The following RCOR3 variants were observed in gnomAD, a reference collection of about 807,000 sequenced individuals.
The protein encoded by RCOR3 is REST corepressor 3.
Under a neutral mutation model 64.1 loss-of-function variants are expected in RCOR3, and 13 were observed. The observed-to-expected ratio is 0.20, with a 90% CI of 0.13 to 0.32. The LOEUF (loss-of-function observed/expected upper bound fraction) is 0.32, where lower values mean the gene tolerates loss of function less well. Ranked by LOEUF, RCOR3 falls within the 10% of genes least tolerant of loss-of-function variation. The pLI, the probability that RCOR3 is intolerant of heterozygous loss-of-function variation, is 1.00. For synonymous variants in RCOR3, 215 were observed against 239.0 expected, an observed-to-expected ratio of 0.90 and a Z score of 0.93; for missense variants, 489 against 701.2, an observed-to-expected ratio of 0.70 and a Z score of 3.42.
intron 2 of RCOR3, among the ~76,000 whole-genome samples, chr1:211,262,269 C>T (rs986263396): frequency 1.3e-5 from 2 of 151,828 alleles, no homozygotes; most frequent in African/African-American, 2.4e-5. Context: ...AACTCCTGAC[C>T]TCGTGATCTG....
rs1693820005 is a variant in RCOR3 at position 211,259,645 on chromosome 1, G to GGCGGCA, written c.91_96dup (p.Ser31_Gly32dup). 1.3e-6 allele frequency: 2 copies of GGCGGCA among 1,547,258 alleles called. No homozygotes were observed. The highest frequency in any genetic ancestry group is 8.7e-7 in the Non-Finnish European group (1 of 1,145,462). Reference sequence around the variant, plus strand: ...CAGCGCCAAGAGCCCGGCAGGCGGCGGCGGCAGCGGCGCCTCGTCCACCAA... The same window carrying GGCGGCA: ...CAGCGCCAAGAGCCCGGCAGGCGGCGGCGGCAGCGGCAGCGGCGCCTCGTCCACCAA... On this transcript the variant is annotated inframe_insertion, in exon 1 of 12. Coordinates refer to ENST00000419091, the MANE Select transcript of RCOR3 (RefSeq NM_001136223.3).
intron 8 of RCOR3, among the ~76,000 whole-genome samples, chr1:211,294,586 C>CTTTCT (rs776117857): frequency 2.3e-5 from 2 of 88,030 alleles, no homozygotes; most frequent in African/African-American, 8.3e-5. Context: ...TTCTTTCTTT[C>CTTTCT]TTTTTTTTTT....
In RCOR3 at chr1:211,315,609, G is replaced by A. The variant is rs1230085152; in HGVS notation, c.*1841G>A. 1 of 152,092 alleles carries A rather than the reference G, an allele frequency of 6.6e-6. No individual in the cohort carries two copies. Among genetic ancestry groups the A allele is most frequent in the Non-Finnish European group, 1.5e-5 (1 of 68,016 alleles). The allele number at this position is 152,092 out of a possible 1,614,324, so 9.4% of individuals were successfully genotyped here. A position where few individuals can be genotyped will look rare whatever the true frequency, so the allele number is the denominator to read the frequency against. On this transcript the variant is annotated 3_prime_UTR_variant, in exon 12 of 12. Transcript: ENST00000419091. ...TTTTAAAGCACTTAGATTGTCTTACGTATGTGCATACTATACCTTTACAGC... is the reference window on the plus strand; with the variant it reads ...TTTTAAAGCACTTAGATTGTCTTACATATGTGCATACTATACCTTTACAGC...
chr1:211,308,297 T>A (rs1346653412), intron 10 of RCOR3, among the ~76,000 whole-genome samples: 1 of 152,210 alleles, frequency 6.6e-6, no homozygotes, highest in Admixed American at 6.5e-5. Context: ...TAACTTATAA[T>A]GTGATTTTGA....
intron 10 of RCOR3, among the ~76,000 whole-genome samples, chr1:211,305,174 G>A (rs1445404908): frequency 6.6e-6 from 1 of 152,210 alleles, no homozygotes; most frequent in African/African-American, 2.4e-5. Context: ...CAGCCAGCAT[G>A]ATTTGAAAAT....
rs143823132 is a variant in RCOR3, at chr1:211,266,643, G to C, written c.224-4589G>C. On this transcript the variant is annotated intron_variant, in intron 2 of 11. Coordinates refer to ENST00000419091, the MANE Select transcript of RCOR3 (RefSeq NM_001136223.3). Reference sequence around the variant, plus strand: ...CATGGTTGTTTTGTTGGTGAGTCAGGTTTGAGTCTCAGTACTGTTTCTAAA... The same window carrying C: ...CATGGTTGTTTTGTTGGTGAGTCAGCTTTGAGTCTCAGTACTGTTTCTAAA... Among the ~76,000 whole-genome samples the C allele has an allele frequency of 1.4e-3, 213 of 152,240 alleles. 3 individuals are homozygous for C. Among genetic ancestry groups the C allele is most frequent in the Middle Eastern group, 0.01 (3 of 294 alleles).
chr1:211,308,057 T>C (rs1202279227), intron 10 of RCOR3, among the ~76,000 whole-genome samples: 1 of 152,150 alleles, frequency 6.6e-6, no homozygotes, highest in Non-Finnish European at 1.5e-5. Context: ...GATTTGGCAG[T>C]TGATTAAAAA....
chr1:211,310,332 TGGATGAGAACA>T (rs1159195574), intron 10 of RCOR3, among the ~76,000 whole-genome samples: 2 of 152,104 alleles, frequency 1.3e-5, no homozygotes, highest in East Asian at 3.8e-4. Context: ...AGAACAAATG[TGGATGAGAACA>T]GGATGAGAAC....
At chr1:211,279,916 A>G (rs1163638210) in intron 7 of RCOR3, among the ~76,000 whole-genome samples, 3 of 152,146 alleles carry the variant, frequency 2.0e-5, no homozygotes, top group Non-Finnish European at 4.4e-5. Flanking sequence ...ACGGTCTAAG[A>G]GATGCAGCAG....
intron 10 of RCOR3, among the ~76,000 whole-genome samples, chr1:211,311,315 A>T (rs1446236857): frequency 2.6e-5 from 4 of 152,158 alleles, no homozygotes; most frequent in Non-Finnish European, 5.9e-5. Context: ...CTTTGAGAAC[A>T]CAGCAAATGA....
intron 7 of RCOR3, among the ~76,000 whole-genome samples, chr1:211,283,667 A>G (rs1481275937): frequency 1.3e-5 from 2 of 152,006 alleles, no homozygotes; most frequent in African/African-American, 2.4e-5. Context: ...TTTTTTAGAG[A>G]CAGAATCTTG....
intron 9 of RCOR3, among the ~76,000 whole-genome samples, chr1:211,298,674 A>G (rs902722261): frequency 3.3e-5 from 5 of 152,138 alleles, no homozygotes; most frequent in African/African-American, 1.2e-4. Context: ...TTTGTGATAG[A>G]CATCAGTGGG....
intron 9 of RCOR3, 44 bp from the exon 10 acceptor site, chr1:211,304,039 C>CT (rs752684700): frequency 7.2e-7 from 1 of 1,393,232 alleles, no homozygotes; most frequent in Non-Finnish European, 9.9e-7. Flanking sequence ...TGGAAAATGT[C>CT]TGTCTTCATA....
chr1:211,272,095 G>T (rs1041527089), intron 3 of RCOR3, among the ~76,000 whole-genome samples: 8 of 152,122 alleles, frequency 5.3e-5, no homozygotes, highest in African/African-American at 1.9e-4. Flanking sequence ...GCTTATTGAT[G>T]CAATAGAGCT....
At chr1:211,259,965 G>T in intron 1 of RCOR3, 143 bp from the exon 2 acceptor site, 1 of 554,668 alleles carries the variant, frequency 1.8e-6, no homozygotes, top group African/African-American at 3.4e-5. Context: ...GCCATCTCCC[G>T]GAGTGCCCCG....
At chr1:211,309,034 T>C (rs1482266618) in intron 10 of RCOR3, among the ~76,000 whole-genome samples, 1 of 150,618 alleles carries the variant, frequency 6.6e-6, no homozygotes, top group Non-Finnish European at 1.5e-5. Flanking sequence ...TTTAAAAAAT[T>C]GTTTTAAACA....
At chr1:211,301,194 G>A (rs1700346767) in intron 9 of RCOR3, among the ~76,000 whole-genome samples, 1 of 152,030 alleles carries the variant, frequency 6.6e-6, no homozygotes, top group Admixed American at 6.6e-5. Context: ...CTTCAAAATT[G>A]TGTTTAAATA....
intron 8 of RCOR3, among the ~76,000 whole-genome samples, 186 bp downstream of exon 8, chr1:211,289,582 C>T (rs890709766): frequency 6.6e-6 from 1 of 152,062 alleles, no homozygotes; most frequent in Admixed American, 6.6e-5. Context: ...GATTTGAATC[C>T]CAGCATTGCT....
At position 211,315,213 on chromosome 1, in the gene RCOR3, A is replaced by G. The variant is rs972746352; in HGVS notation, c.*1445A>G. 2.6e-5 allele frequency: 4 copies of G among 152,318 alleles called. No homozygotes were observed. The highest frequency in any genetic ancestry group is 9.6e-5 in the African/African-American group (4 of 41,574). The allele number at this position is 152,318 out of a possible 1,614,324, so 9.4% of individuals were successfully genotyped here. A position where few individuals can be genotyped will look rare whatever the true frequency, so the allele number is the denominator to read the frequency against. ...ATAGGCTACATGTTTGCACATTCAC[A>G]TTCTTATCACGTGTAGAATACTTCA... On this transcript the variant is annotated 3_prime_UTR_variant, in exon 12 of 12. Transcript: ENST00000419091.
Sources: allele counts gnomAD v4.1 joint callset (sites outside exome capture counted in the v4.1 genomes callset), GRCh38; gene constraint gnomAD v4.1.1; transcripts MANE v1.5; gene names NCBI Gene and HGNC (gene_info 2026-07-23, HGNC 2026-07-21).